BCORL1: variants seen among roughly 807,000 people sequenced by gnomAD.
The protein encoded by BCORL1 is BCL-6 corepressor-like protein 1.
BCORL1 carries 7 observed loss-of-function variants against 87.6 expected under a neutral mutation model. That is an observed-to-expected ratio of 0.08 (90% CI 0.05 to 0.15). The LOEUF is 0.15. Among genes scored for constraint, BCORL1 ranks in the 10% least tolerant of loss-of-function variants. BCORL1 has a pLI of 1.00. For missense variants in BCORL1, 1,215 were observed against 1,499.7 expected (o/e 0.81, Z 3.13); for synonymous variants, 591 against 634.4 (o/e 0.93, Z 1.03).
chrX:130,009,465 GAAAAA>G (rs58485210), intron 2 of BCORL1, among the ~76,000 whole-genome samples: 1 of 50,930 alleles, frequency 2.0e-5, no homozygotes, highest in East Asian at 7.8e-4. Context: ...CTAAAAGAAA[GAAAAA>G]AAAAAAAAAA....
chrX:130,000,845 T>C (rs1334534332), intron 1 of BCORL1, among the ~76,000 whole-genome samples: 2 of 110,825 alleles, frequency 1.8e-5, no homozygotes, highest in African/African-American at 3.3e-5. Context: ...TGCATAGTTT[T>C]TTCATTGGAG....
At chrX:130,008,357 G>A (rs1345720964) in intron 2 of BCORL1, among the ~76,000 whole-genome samples, 9 of 109,392 alleles carry the variant, frequency 8.2e-5, no homozygotes, top group East Asian at 2.8e-4. Context: ...TCCGCCTCCC[G>A]GGTTCAAACG....
chrX:130,042,636 T>C (rs1931402583), intron 11 of BCORL1, among the ~76,000 whole-genome samples: 1 of 111,904 alleles, frequency 8.9e-6, no homozygotes, highest in South Asian at 3.7e-4. Context: ...AGGGACTTTT[T>C]TAAAAATTGA....
At chrX:130,036,003 C>T (rs1029503406) in intron 9 of BCORL1, among the ~76,000 whole-genome samples, 3 of 112,934 alleles carry the variant, frequency 2.7e-5, no homozygotes, top group Non-Finnish European at 5.6e-5. Context: ...TGTGAGCTGT[C>T]AGACAGAAAG....
At chrX:130,011,671 A>G (rs745566785) in intron 2 of BCORL1, among the ~76,000 whole-genome samples, 52 of 94,695 alleles carry the variant, frequency 5.5e-4, no homozygotes, top group African/African-American at 2.0e-3. Context: ...GACTTTAAAC[A>G]GGGGGAGATG....
chrX:130,014,202 C>A lies in BCORL1; in HGVS notation c.1430C>A (p.Thr477Lys). ...PTTLGVSSTL[T>K]LPVLPSYLQD... ...ACTCTAGGGGTTTCCTCCACTCTTA[C>A]GCTCCCTGTCCTGCCGTCCTACCTG... The change falls in exon 4 of 14, where the codon ACG (threonine) becomes AAG (lysine). Residue 477 changes from threonine (T) to lysine (K), a missense_variant. Transcript: ENST00000540052. The A allele has an allele frequency of 8.3e-7, 1 of 1,210,896 alleles. No homozygotes were observed. Among genetic ancestry groups the A allele is most frequent in the Non-Finnish European group, 1.1e-6 (1 of 895,139 alleles).
Position 130,015,186 on chromosome X carries a change from G to T in BCORL1, c.2414G>T (p.Trp805Leu). The T allele has an allele frequency of 8.3e-7, 1 of 1,212,071 alleles. No individual in the cohort carries two copies. Reference protein sequence around the residue: ...PGCQTKELSLWKPTGPANIYP... With the variant: ...PGCQTKELSLLKPTGPANIYP... ...TGCCAAACCAAGGAACTCTCTTTGT[G>T]GAAACCCACGGGGCCGGCAAATATT... Residue 805 changes from tryptophan to leucine, a missense_variant, in exon 4 of 14, where the codon TGG (tryptophan) becomes TTG (leucine). Trp to Leu is a moderately conservative substitution (Grantham distance 61). Transcript: ENST00000540052.
At chrX:130,021,264 T>C in intron 5 of BCORL1, 114 bp downstream of exon 5, 2 of 1,083,384 alleles carry the variant, frequency 1.8e-6, no homozygotes, top group East Asian at 3.8e-5. Flanking sequence ...AAGTGAGACT[T>C]CTTCACTGTG....
rs1208566669 is a variant in BCORL1, at chrX:130,013,440, T to G, written c.668T>G (p.Val223Gly). 14 of 1,210,899 alleles carry G rather than the reference T, an allele frequency of 1.2e-5. No homozygotes were observed. The highest frequency in any genetic ancestry group is 1.6e-5 in the Non-Finnish European group (14 of 895,334). ...VPHSVPDAFQ[V>G]PLSVPAPVPH... ...CACTCTGTTCCAGATGCATTCCAGG[T>G]TCCCCTCTCCGTCCCTGCCCCAGTC... is the stretch of plus-strand genomic sequence containing the variant. The change falls in exon 4 of 14, where the codon GTT becomes GGT. Residue 223 changes from valine to glycine, a missense_variant. Coordinates refer to ENST00000540052, the MANE Select transcript of BCORL1 (RefSeq NM_001379451.1).
chrX:130,015,072 G>T lies in BCORL1; in HGVS notation c.2300G>T (p.Gly767Val). ...CCTAAGGGCACTGGTGCCACGTGTG[G>T]CAAAAAGGGCAGCCAGGCTGGTGCT... ...GEPKGTGATCGKKGSQAGAEG... is the reference protein window; with the variant it reads ...GEPKGTGATCVKKGSQAGAEG... Residue 767 changes from glycine (G) to valine (V), a missense_variant, in exon 4 of 14, where the codon GGC (glycine) becomes GTC (valine). Transcript: ENST00000540052. The T allele has an allele frequency of 8.3e-7, 1 of 1,212,107 alleles. No homozygotes were observed. The highest frequency in any genetic ancestry group is 1.1e-6 in the Non-Finnish European group (1 of 895,563).
intron 1 of BCORL1, among the ~76,000 whole-genome samples, chrX:129,999,798 C>T (rs149139694): frequency 0.011 from 1,199 of 109,679 alleles, 19 homozygotes; most frequent in African/African-American, 0.037. Flanking sequence ...CATCAGCCTC[C>T]GAGTAGCTGA....
chrX:130,023,014 T>G (rs766619046), intron 6 of BCORL1, 37 bp downstream of exon 6: 4 of 1,111,746 alleles, frequency 3.6e-6, no homozygotes, highest in Non-Finnish European at 5.0e-6. Flanking sequence ...TCTCAGCATC[T>G]TCTATGAAAA....
intron 1 of BCORL1, among the ~76,000 whole-genome samples, chrX:130,002,409 T>A (rs1193260964): frequency 9.4e-6 from 1 of 106,918 alleles, no homozygotes; most frequent in East Asian, 2.9e-4. Context: ...GGCTGACAAC[T>A]GGCACAGAGG....
chrX:130,047,687 A>T (rs1931838770), intron 11 of BCORL1, among the ~76,000 whole-genome samples: 1 of 111,749 alleles, frequency 8.9e-6, no homozygotes, highest in Admixed American at 9.6e-5. Flanking sequence ...ATTTGAATGC[A>T]TGTGTTTCGG....
intron 11 of BCORL1, among the ~76,000 whole-genome samples, chrX:130,048,252 C>T (rs1378485217): frequency 8.9e-6 from 1 of 112,273 alleles, no homozygotes; most frequent in African/African-American, 3.2e-5. Context: ...TGGTGCTTCG[C>T]ACTGGGGGAA....
chrX:130,027,239 T>G (rs1930300628), intron 7 of BCORL1, among the ~76,000 whole-genome samples: 1 of 113,087 alleles, frequency 8.8e-6, no homozygotes, highest in Non-Finnish European at 1.9e-5. Context: ...GTTCTGTTCC[T>G]TCCTCTTTTG....
upstream of BCORL1, chrX:129,981,747 A>T (rs974954876): frequency 9.4e-6 from 1 of 106,791 alleles, no homozygotes; most frequent in African/African-American, 3.4e-5. Flanking sequence ...CCCCACCATT[A>T]TTTCGGTGAG....
At position 130,015,133 on chromosome X, in the gene BCORL1, A is replaced by G; in HGVS notation, c.2361A>G (p.Pro787=). 3 of 1,212,241 alleles carry G rather than the reference A, an allele frequency of 2.5e-6. No homozygotes were observed. Among genetic ancestry groups the G allele is most frequent in the Non-Finnish European group, 3.3e-6 (3 of 895,613 alleles). The change falls in exon 4 of 14, where the codon CCA becomes CCG. Residue 787 remains proline (P), a synonymous_variant. Transcript: ENST00000540052. ...CAAGCACAGTGAAACGATATACTCC[A>G]GCCCGCATTGCCCCTGGGCTGCCAG... The part of the protein sequence containing the change: ...GQPSTVKRYT[P]ARIAPGLPGC...
rs1175201572 is a variant in BCORL1 at position 130,044,118 on chromosome X, T to C, written c.4840+4836T>C. Among the ~76,000 whole-genome samples the C allele has an allele frequency of 3.7e-5, 4 of 107,200 alleles. No individual in the cohort carries two copies. The East Asian group carries it at 1.2e-3, about 32-fold the overall frequency. 93.1% of individuals were successfully genotyped at this position (107,200 alleles called of 115,157 possible). A position where few individuals can be genotyped will look rare whatever the true frequency, so the allele number is the denominator to read the frequency against. On this transcript the variant is annotated intron_variant, in intron 11 of 13. Transcript: ENST00000540052. ...ACGGGGTTCACCATGTTGGCCAGGATGGTCTTGATCTCTTGACTCTCGTGA... is the reference window on the plus strand; with the variant it reads ...ACGGGGTTCACCATGTTGGCCAGGACGGTCTTGATCTCTTGACTCTCGTGA...
Sources: allele counts gnomAD v4.1 joint callset (sites outside exome capture counted in the v4.1 genomes callset), GRCh38; gene constraint gnomAD v4.1.1; transcripts MANE v1.5; gene names NCBI Gene and HGNC (gene_info 2026-07-23, HGNC 2026-07-21).